The following PTPRD variants were observed in gnomAD, a reference collection of about 807,000 sequenced individuals.
PTPRD encodes the protein protein tyrosine phosphatase receptor type D.
Under a neutral mutation model 214.5 loss-of-function variants are expected in PTPRD, and 34 were observed. The observed-to-expected ratio is 0.16, with a 90% CI of 0.12 to 0.21. The LOEUF (loss-of-function observed/expected upper bound fraction) is 0.21, where lower values mean the gene tolerates loss of function less well. Among genes scored for constraint, PTPRD ranks in the 10% least tolerant of loss-of-function variants. The pLI is 1.00. For synonymous variants in PTPRD, 1,128 were observed against 845.7 expected, an observed-to-expected ratio of 1.33 and a Z score of -5.79; for missense variants, 2,545 against 2,398.7, an observed-to-expected ratio of 1.06 and a Z score of -1.27.
intron 7 of PTPRD, among the ~76,000 whole-genome samples, chr9:9,602,370 T>G (rs1165465540): frequency 6.6e-6 from 1 of 152,032 alleles, no homozygotes; most frequent in Admixed American, 6.6e-5. Flanking sequence ...ATATTTAATT[T>G]ATATTTTTAA....
At chr9:10,511,905 T>C (rs1359120091) in intron 2 of PTPRD, among the ~76,000 whole-genome samples, 1 of 126,150 alleles carries the variant, frequency 7.9e-6, no homozygotes, top group Non-Finnish European at 1.7e-5. Flanking sequence ...TATATATACA[T>C]ATATATATAC....
At chr9:10,225,176 A>G (rs2154352002) in intron 3 of PTPRD, among the ~76,000 whole-genome samples, 1 of 152,084 alleles carries the variant, frequency 6.6e-6, no homozygotes, top group East Asian at 1.9e-4. Flanking sequence ...AAAGAGATGA[A>G]TACAGTCTTA....
chr9:8,446,497 A>C (rs2095732848), intron 34 of PTPRD, among the ~76,000 whole-genome samples: 1 of 152,242 alleles, frequency 6.6e-6, no homozygotes, highest in Admixed American at 6.5e-5. Context: ...TAACAGACCC[A>C]TCAGAAGCAG....
chr9:10,357,089 C>A (rs965503926), intron 2 of PTPRD, among the ~76,000 whole-genome samples: 7 of 152,068 alleles, frequency 4.6e-5, no homozygotes, highest in Non-Finnish European at 1.0e-4. Context: ...GTGTTTATGT[C>A]TTTAAAACAA....
At chr9:9,026,289 G>C (rs147599209) in intron 10 of PTPRD, among the ~76,000 whole-genome samples, 1 of 151,912 alleles carries the variant, frequency 6.6e-6, no homozygotes, top group Non-Finnish European at 1.5e-5. Flanking sequence ...TGTCCAGTGT[G>C]GCTGCAGCAT....
At chr9:9,588,462 T>C (rs2092345341) in intron 7 of PTPRD, among the ~76,000 whole-genome samples, 1 of 151,940 alleles carries the variant, frequency 6.6e-6, no homozygotes. Context: ...ATGAAAGTCA[T>C]AGCCACTTCA....
intron 5 of PTPRD, among the ~76,000 whole-genome samples, chr9:9,868,679 T>C (rs561330813): frequency 6.6e-6 from 1 of 151,086 alleles, no homozygotes; most frequent in Non-Finnish European, 1.5e-5. Context: ...CAGGGTATTA[T>C]GAGGAAAGAT....
intron 9 of PTPRD, among the ~76,000 whole-genome samples, chr9:9,193,103 C>T (rs2099936241): frequency 6.6e-6 from 1 of 152,032 alleles, no homozygotes; most frequent in Non-Finnish European, 1.5e-5. Flanking sequence ...CATATACAAA[C>T]GTTCAGTTAA....
At chr9:8,344,754 C>T (rs907975154) in intron 39 of PTPRD, among the ~76,000 whole-genome samples, 9 of 152,000 alleles carry the variant, frequency 5.9e-5, no homozygotes, top group Admixed American at 5.3e-4. Context: ...CTTCAGACAT[C>T]AATGGCTGTG....
At chr9:8,340,547 C>A (rs2132382202) in intron 41 of PTPRD, 78 bp from the exon 42 acceptor site, 17 of 1,378,950 alleles carry the variant, frequency 1.2e-5, no homozygotes, top group Non-Finnish European at 1.6e-5. Flanking sequence ...ACATAAACAT[C>A]AACCTGCTAA....
intron 3 of PTPRD, among the ~76,000 whole-genome samples, chr9:10,141,243 T>C (rs291281): frequency 0.73 from 111,350 of 151,592 alleles, 41,465 homozygotes; most frequent in Middle Eastern, 0.89. Context: ...GTTGGAATTT[T>C]TGGCCAGGGC....
At chr9:9,168,848 G>A (rs189153765) in intron 10 of PTPRD, among the ~76,000 whole-genome samples, 3 of 151,860 alleles carry the variant, frequency 2.0e-5, no homozygotes, top group East Asian at 3.9e-4. Flanking sequence ...TCTGTTAAAA[G>A]CATTAAGTAC....
chr9:9,891,644 G>GA, intron 5 of PTPRD, among the ~76,000 whole-genome samples: 1 of 151,660 alleles, frequency 6.6e-6, no homozygotes, highest in Non-Finnish European at 1.5e-5. Context: ...AGAGTAACAG[G>GA]ATTTTTTTTC....
At chr9:8,333,280 C>A (rs886969199) in intron 43 of PTPRD, among the ~76,000 whole-genome samples, 4 of 152,152 alleles carry the variant, frequency 2.6e-5, no homozygotes, top group African/African-American at 7.2e-5. Flanking sequence ...CAGATTTATT[C>A]TCCTCTGAAT....
intron 2 of PTPRD, among the ~76,000 whole-genome samples, chr9:10,402,275 A>C (rs2098281607): frequency 6.6e-6 from 1 of 151,694 alleles, no homozygotes; most frequent in African/African-American, 2.4e-5. Context: ...AGATTACAGA[A>C]CTGACAAAAA....
Position 8,568,971 on chromosome 9 carries a change from G to T in PTPRD, c.353-40192C>A, listed in dbSNP as rs547968444. 2.0e-5 allele frequency among the ~76,000 whole-genome samples: 3 copies of T among 151,944 alleles called. No homozygotes were observed. In the South Asian group the frequency reaches 6.3e-4, roughly 32 times the overall value. ...ACACTAACATCATTTCTTTTATATA[G>T]AAATATGCTTCCCAAGTTTAAGTTC... is the stretch of plus-strand genomic sequence containing the variant. On this transcript the variant is annotated intron_variant, in intron 14 of 45. Transcript: ENST00000381196.
At chr9:8,925,877 T>TTTTTA (rs1555530702) in intron 11 of PTPRD, among the ~76,000 whole-genome samples, 2 of 149,588 alleles carry the variant, frequency 1.3e-5, no homozygotes, top group Non-Finnish European at 3.0e-5. Context: ...TTTTTTTTTT[T>TTTTTA]ACTGATCTCT....
chr9:8,521,190 T>A (rs535947709), intron 20 of PTPRD, 87 bp downstream of exon 20: 1 of 1,419,746 alleles, frequency 7.0e-7, no homozygotes, highest in South Asian at 1.4e-5. Context: ...TGAATTATTT[T>A]AGATTTTCAA....
chr9:9,124,330 A>G (rs1453094662), intron 10 of PTPRD, among the ~76,000 whole-genome samples: 1 of 152,170 alleles, frequency 6.6e-6, no homozygotes, highest in Admixed American at 6.6e-5. Flanking sequence ...CTATCTATCT[A>G]TCTAATCATT....
Sources: allele counts gnomAD v4.1 joint callset (sites outside exome capture counted in the v4.1 genomes callset), GRCh38; gene constraint gnomAD v4.1.1; transcripts MANE v1.5; gene names NCBI Gene and HGNC (gene_info 2026-07-23, HGNC 2026-07-21).